The following ENOX1 variants were observed in gnomAD, a reference collection of about 807,000 sequenced individuals.
ENOX1 encodes the protein candidate growth-related and time keeping constitutive hydroquinone (NADH) oxidase.
A neutral mutation model predicts 82.5 loss-of-function variants in ENOX1; 42 were observed. That is an observed-to-expected ratio of 0.51 (90% CI 0.40 to 0.66). The LOEUF is 0.66. Ranked by LOEUF, ENOX1 falls within the 30% of genes least tolerant of loss-of-function variation. ENOX1 has a pLI of 0.00. For missense variants in ENOX1, 608 were observed against 811.6 expected (o/e 0.75, Z 3.05); for synonymous variants, 271 against 282.2 (o/e 0.96, Z 0.40).
chr13:43,432,215 T>C lies in ENOX1; in HGVS notation c.-74-19227A>G, dbSNP rs547084449. On this transcript the variant is annotated intron_variant, in intron 3 of 16. Coordinates refer to ENST00000690772, the MANE Select transcript of ENOX1 (RefSeq NM_001347969.2). Reference sequence around the variant, plus strand: ...CAGTCGTCTCCTGATCTGTTGGCCTTACCACACCCTATAATAATAAAAACT... The same window carrying C: ...CAGTCGTCTCCTGATCTGTTGGCCTCACCACACCCTATAATAATAAAAACT... Among the ~76,000 whole-genome samples the C allele has an allele frequency of 7.2e-5, 11 of 152,268 alleles. No individual in the cohort carries two copies. In the East Asian group the frequency reaches 2.1e-3, roughly 29 times the overall value.
At chr13:43,458,354 T>TA (rs561409902) in intron 3 of ENOX1, 1 of 152,140 alleles carries the variant, frequency 6.6e-6, no homozygotes, top group African/African-American at 2.4e-5. Context: ...GGTACCCAAT[T>TA]AAAAAAAGCT....
intron 3 of ENOX1, among the ~76,000 whole-genome samples, chr13:43,472,817 G>A (rs1023304848): frequency 9.9e-5 from 15 of 151,946 alleles, no homozygotes; most frequent in African/African-American, 3.6e-4. Flanking sequence ...GGAAATTTCA[G>A]GAAAAAAATG....
chr13:43,596,861 C>G (rs760276846), intron 2 of ENOX1, among the ~76,000 whole-genome samples: 3 of 152,192 alleles, frequency 2.0e-5, no homozygotes, highest in Non-Finnish European at 4.4e-5. Flanking sequence ...AAGTGCTGTG[C>G]TAGGCAACAG....
At chr13:43,589,422 T>G (rs553554951) in intron 2 of ENOX1, among the ~76,000 whole-genome samples, 1 of 151,902 alleles carries the variant, frequency 6.6e-6, no homozygotes, top group African/African-American at 2.4e-5. Context: ...AAAATAATTG[T>G]CTCCCCTCAG....
intron 5 of ENOX1, among the ~76,000 whole-genome samples, chr13:43,370,854 C>T (rs776906307): frequency 3.3e-5 from 5 of 152,076 alleles, no homozygotes; most frequent in Non-Finnish European, 7.4e-5. Flanking sequence ...TGGAGTACTG[C>T]AAAGGACTCT....
chr13:43,272,838 ATGCTTATTTAATCT>A (rs915198469), intron 12 of ENOX1, among the ~76,000 whole-genome samples: 7 of 152,146 alleles, frequency 4.6e-5, no homozygotes, highest in Admixed American at 1.3e-4. Flanking sequence ...GTATCCTGAA[ATGCTTATTTAATCT>A]TGCTTATTTA....
At position 43,280,917 on chromosome 13, in the gene ENOX1, A is replaced by G. The variant is rs737507; in HGVS notation, c.1447-11340T>C. Among the ~76,000 whole-genome samples, 684 of 152,318 alleles carry G rather than the reference A, an allele frequency of 4.5e-3. 6 individuals carry two copies. Among genetic ancestry groups the G allele is most frequent in the African/African-American group, 0.016 (649 of 41,566 alleles). ...TCAATCACTAAGGGAAGTGAGAGGGAGAGGAAGTTTGCTCCTTCCCCCAAA... is the reference window on the plus strand; with the variant it reads ...TCAATCACTAAGGGAAGTGAGAGGGGGAGGAAGTTTGCTCCTTCCCCCAAA... On this transcript the variant is annotated intron_variant, in intron 12 of 16. Transcript: ENST00000690772.
chr13:43,262,303 AAC>A (rs1009401035), intron 14 of ENOX1, among the ~76,000 whole-genome samples: 1 of 152,212 alleles, frequency 6.6e-6, no homozygotes, highest in African/African-American at 2.4e-5. Context: ...TGGTTTTAAA[AAC>A]ACAATTGTCA....
intron 11 of ENOX1, among the ~76,000 whole-genome samples, chr13:43,300,163 A>G (rs927652403): frequency 1.3e-5 from 2 of 152,122 alleles, no homozygotes; most frequent in African/African-American, 4.8e-5. Context: ...ATTACTTAAC[A>G]CGCATTTACT....
At chr13:43,539,761 T>C (rs1046113953) in intron 2 of ENOX1, among the ~76,000 whole-genome samples, 1 of 152,218 alleles carries the variant, frequency 6.6e-6, no homozygotes, top group Non-Finnish European at 1.5e-5. Context: ...AAGAGATATA[T>C]TGCAATGTCT....
At chr13:43,630,860 TACACACACACACAC>T (rs373900524) in intron 2 of ENOX1, among the ~76,000 whole-genome samples, 1 of 147,706 alleles carries the variant, frequency 6.8e-6, no homozygotes, top group African/African-American at 2.5e-5. Context: ...TATATATATA[TACACACACACACAC>T]ATATATATAC....
chr13:43,435,697 T>C (rs1295927598), intron 3 of ENOX1, among the ~76,000 whole-genome samples: 2 of 152,190 alleles, frequency 1.3e-5, no homozygotes, highest in African/African-American at 4.8e-5. Context: ...TTTTTAAATA[T>C]AATGGTTCAG....
At chr13:43,450,013 C>T (rs1192974353) in intron 3 of ENOX1, among the ~76,000 whole-genome samples, 3 of 152,164 alleles carry the variant, frequency 2.0e-5, no homozygotes, top group Admixed American at 2.0e-4. Context: ...GTTCCATTAC[C>T]TCGGAGGCCT....
chr13:43,291,729 C>T (rs2046010831), intron 12 of ENOX1, among the ~76,000 whole-genome samples: 1 of 152,202 alleles, frequency 6.6e-6, no homozygotes, highest in Non-Finnish European at 1.5e-5. Flanking sequence ...GAAACAGGCT[C>T]CTGTTCAAGA....
intron 1 of ENOX1, among the ~76,000 whole-genome samples, chr13:43,734,584 A>G (rs1401250565): frequency 6.6e-6 from 1 of 152,216 alleles, no homozygotes; most frequent in Non-Finnish European, 1.5e-5. Flanking sequence ...AGGACCAGCA[A>G]GCAACTTTTC....
intron 5 of ENOX1, among the ~76,000 whole-genome samples, chr13:43,401,810 G>A (rs2153590542): frequency 6.6e-6 from 1 of 152,272 alleles, no homozygotes; most frequent in African/African-American, 2.4e-5. Context: ...CCAGTCTAAA[G>A]GCTGCTTAGA....
At chr13:43,347,287 T>G (rs2049451804) in intron 8 of ENOX1, among the ~76,000 whole-genome samples, 1 of 152,132 alleles carries the variant, frequency 6.6e-6, no homozygotes, top group Non-Finnish European at 1.5e-5. Flanking sequence ...ATACACAATT[T>G]CAAAAGTAAG....
chr13:43,492,157 C>G (rs141038610), intron 2 of ENOX1, among the ~76,000 whole-genome samples: 41 of 152,312 alleles, frequency 2.7e-4, no homozygotes, highest in African/African-American at 9.6e-4. Flanking sequence ...CTTTCCAAGA[C>G]AACAGCCAGT....
intron 3 of ENOX1, among the ~76,000 whole-genome samples, chr13:43,460,301 C>G (rs1438506139): frequency 6.6e-6 from 1 of 152,134 alleles, no homozygotes; most frequent in Non-Finnish European, 1.5e-5. Flanking sequence ...TCTTTCCCCT[C>G]AAGGCTGCTA....
Sources: gnomAD v4.1 joint callset for allele counts (sites outside exome capture counted in the v4.1 genomes callset) on GRCh38, gnomAD v4.1.1 for gene constraint, MANE v1.5 for transcripts, NCBI Gene and HGNC (gene_info 2026-07-23, HGNC 2026-07-21) for gene names.